DNAH5: variants seen among roughly 807,000 people sequenced by gnomAD.
DNAH5 encodes axonemal beta dynein heavy chain 5.
DNAH5 carries 372 observed loss-of-function variants against 518.2 expected under a neutral mutation model. The ratio of observed to expected loss-of-function variants is 0.72; its 90% CI spans 0.66 to 0.78. The LOEUF is 0.78. Among genes scored for constraint, DNAH5 ranks in the 30% least tolerant of loss-of-function variants. The pLI is 0.00. For missense variants in DNAH5, 5,523 were observed against 5,687.0 expected (o/e 0.97, Z 0.93); for synonymous variants, 2,039 against 2,025.9 (o/e 1.01, Z -0.17).
intron 1 of DNAH5, among the ~76,000 whole-genome samples, chr5:13,961,274 G>A (rs554715933): frequency 4.6e-5 from 7 of 152,324 alleles, no homozygotes; most frequent in South Asian, 2.1e-4. Flanking sequence ...GGCAAAGTAC[G>A]TTTCCAGTAT....
intron 74 of DNAH5, among the ~76,000 whole-genome samples, chr5:13,715,641 A>G (rs1397842186): frequency 6.6e-6 from 1 of 152,242 alleles, no homozygotes; most frequent in Non-Finnish European, 1.5e-5. Flanking sequence ...AATCTTCGAT[A>G]GAGACCAAAG....
chr5:13,998,662 T>C (rs553514893), intron 1 of DNAH5, among the ~76,000 whole-genome samples: 6 of 152,318 alleles, frequency 3.9e-5, no homozygotes, highest in East Asian at 1.9e-4. Context: ...CTAAACATTA[T>C]CTTATGAGGA....
intron 1 of DNAH5, among the ~76,000 whole-genome samples, chr5:13,979,078 G>C (rs1161866741): frequency 1.3e-5 from 2 of 151,930 alleles, no homozygotes; most frequent in Non-Finnish European, 2.9e-5. Flanking sequence ...CCTTCCCCCT[G>C]CTGGTCTCAT....
At chr5:13,900,609 T>A in intron 14 of DNAH5, 197 bp from the exon 15 acceptor site, 1 of 610,656 alleles carries the variant, frequency 1.6e-6, no homozygotes, top group Admixed American at 2.8e-5. Flanking sequence ...GGTGTTGATG[T>A]TGGGCAGTCA....
chr5:13,718,834 A>G (rs759335492), intron 72 of DNAH5, 48 bp downstream of exon 72: 30 of 1,498,040 alleles, frequency 2.0e-5, no homozygotes, highest in Non-Finnish European at 2.8e-5. Flanking sequence ...TAGGAAAACA[A>G]TTTAAGTAAG....
At chr5:13,769,212 G>A (rs1432720137) in intron 57 of DNAH5, 76 bp from the exon 58 acceptor site, 13 of 1,380,692 alleles carry the variant, frequency 9.4e-6, no homozygotes, top group Non-Finnish European at 1.1e-5. Context: ...TTTTTGCCTT[G>A]ATTTGTTGAT....
At chr5:13,947,853 C>T (rs1780050488), upstream of DNAH5, among the ~76,000 whole-genome samples, 1 of 152,162 alleles carries the variant, frequency 6.6e-6, no homozygotes, top group Non-Finnish European at 1.5e-5. Context: ...TGAGAGAGTT[C>T]CATATTTCAC....
intron 77 of DNAH5, 104 bp from the exon 78 acceptor site, chr5:13,700,975 G>T: frequency 8.3e-7 from 1 of 1,205,140 alleles, no homozygotes; most frequent in Non-Finnish European, 1.2e-6. Flanking sequence ...TAACTCGAAG[G>T]ACGTACAATA....
Position 13,811,741 on chromosome 5 carries a change from A to C in DNAH5, c.7313T>G (p.Phe2438Cys). ...YTESFPDLYR[F>C]CIQNLEYKME... ...CTTGTATTCTAAGTTCTGGATACAGAAGCGATACAAGTCTGGGAAAGACTC... is the reference window on the plus strand; with the variant it reads ...CTTGTATTCTAAGTTCTGGATACAGCAGCGATACAAGTCTGGGAAAGACTC... The change falls in exon 44 of 79, where the codon TTC becomes TGC. Residue 2438 changes from phenylalanine (F) to cysteine (C), a missense_variant. Around this residue, in one of 3 missense-constraint regions of DNAH5, gnomAD observed 5,121 missense variants for 5,223.3 expected, o/e 0.98. Transcript: ENST00000265104. 7 of 1,614,164 alleles carry C rather than the reference A, an allele frequency of 4.3e-6. No individual in the cohort carries two copies. The highest frequency in any genetic ancestry group is 5.9e-6 in the Non-Finnish European group (7 of 1,180,014).
intron 1 of DNAH5, among the ~76,000 whole-genome samples, chr5:13,998,346 C>T (rs904071854): frequency 2.0e-5 from 3 of 152,182 alleles, no homozygotes; most frequent in Admixed American, 6.5e-5. Context: ...CCTTCACGAC[C>T]TAATAACTTC....
At chr5:13,974,112 CTTTAT>C (rs1258508761) in intron 1 of DNAH5, among the ~76,000 whole-genome samples, 2 of 149,932 alleles carry the variant, frequency 1.3e-5, no homozygotes, top group Non-Finnish European at 3.0e-5. Context: ...TTTGTCTTTT[CTTTAT>C]TTTAATTAGT....
At chr5:13,849,925 T>G (rs901557743) in intron 31 of DNAH5, among the ~76,000 whole-genome samples, 3 of 152,192 alleles carry the variant, frequency 2.0e-5, no homozygotes, top group African/African-American at 7.2e-5. Flanking sequence ...CTGGCTTAGA[T>G]GACCTGAGTC....
chr5:13,693,647 G>C (rs1360957188), intron 78 of DNAH5, among the ~76,000 whole-genome samples: 1 of 152,192 alleles, frequency 6.6e-6, no homozygotes, highest in Non-Finnish European at 1.5e-5. Context: ...CAGGAATAGA[G>C]GTCAGGGATA....
At chr5:13,865,515 A>T (rs1479812689) in intron 27 of DNAH5, among the ~76,000 whole-genome samples, 153 bp downstream of exon 27, 3 of 152,224 alleles carry the variant, frequency 2.0e-5, no homozygotes, top group Non-Finnish European at 4.4e-5. Flanking sequence ...TAATTAATAA[A>T]TAGCATTTGA....
intron 59 of DNAH5, among the ~76,000 whole-genome samples, chr5:13,763,928 C>T (rs1013211153): frequency 2.0e-5 from 3 of 152,146 alleles, no homozygotes; most frequent in Admixed American, 6.5e-5. Context: ...TTGGCAGAGT[C>T]TCATATTATA....
At position 13,894,357 on chromosome 5, in the gene DNAH5, T is replaced by A. The variant is rs180890578; in HGVS notation, c.2431+293A>T. On this transcript the variant is annotated intron_variant, in intron 16 of 78. Transcript: ENST00000265104. ...ATCAAGCTCTCAAAATACACTAACC[T>A]ATTTATATAAAAAGCTGAATAACTC... 2.2e-3 allele frequency among the ~76,000 whole-genome samples: 341 copies of A among 152,298 alleles called. 2 individuals carry two copies. Among genetic ancestry groups the A allele is most frequent in the Non-Finnish European group, 2.9e-3 (194 of 68,030 alleles).
chr5:13,925,885 G>A (rs915281845), intron 3 of DNAH5, among the ~76,000 whole-genome samples: 1 of 152,150 alleles, frequency 6.6e-6, no homozygotes. Context: ...GGACAGGGGG[G>A]TTTGCTGGGA....
At chr5:13,837,957 C>T (rs1181061115) in intron 35 of DNAH5, among the ~76,000 whole-genome samples, 5 of 152,060 alleles carry the variant, frequency 3.3e-5, no homozygotes, top group Non-Finnish European at 5.9e-5. Flanking sequence ...ACTTCGGCCT[C>T]CCAAAGCGCT....
At chr5:13,719,314 G>A (rs2126520653) in intron 71 of DNAH5, among the ~76,000 whole-genome samples, 1 of 152,242 alleles carries the variant, frequency 6.6e-6, no homozygotes, top group South Asian at 2.1e-4. Context: ...ACACTAGTAT[G>A]CAATTGTACC....
Sources: allele counts gnomAD v4.1 joint callset (sites outside exome capture counted in the v4.1 genomes callset), GRCh38; gene constraint gnomAD v4.1.1; regional missense constraint gnomAD v4.1.1; transcripts MANE v1.5; gene names NCBI Gene and HGNC (gene_info 2026-07-23, HGNC 2026-07-21).